The following COG7 variants were observed in gnomAD, a reference collection of about 807,000 sequenced individuals.
COG7 encodes component of oligomeric golgi complex 7.
COG7 carries 49 observed loss-of-function variants against 91.5 expected under a neutral mutation model. That is an observed-to-expected ratio of 0.54 (90% CI 0.43 to 0.68). The LOEUF is 0.68. Ranked by LOEUF, COG7 falls within the 30% of genes least tolerant of loss-of-function variation. The pLI, the probability that COG7 is intolerant of heterozygous loss-of-function variation, is 0.00. For missense variants in COG7, 895 were observed against 961.3 expected, an observed-to-expected ratio of 0.93 and a Z score of 0.91; for synonymous variants, 365 against 388.7, an observed-to-expected ratio of 0.94 and a Z score of 0.72.
rs1195335364 is a variant in COG7 at position 23,453,034 on chromosome 16, T to C, written c.-40A>G. Reference sequence around the variant, plus strand: ...AGGCCTGGCGTCCAGAACTTAAGAGTTGGCTCCGGGCGGCAACGGGGATGC... The same window carrying C: ...AGGCCTGGCGTCCAGAACTTAAGAGCTGGCTCCGGGCGGCAACGGGGATGC... On this transcript the variant is annotated 5_prime_UTR_variant, in exon 1 of 17. Coordinates refer to ENST00000307149, the MANE Select transcript of COG7 (RefSeq NM_153603.4). 3.1e-6 allele frequency: 5 copies of C among 1,612,190 alleles called. No individual in the cohort carries two copies. The highest frequency in any genetic ancestry group is 1.3e-5 in the African/African-American group (1 of 74,854).
intron 1 of COG7, chr16:23,446,937 A>T (rs1964191940): frequency 7.4e-6 from 1 of 135,722 alleles, no homozygotes; most frequent in Non-Finnish European, 1.5e-5. Context: ...TATTTTGCAG[A>T]GACAGTTTCA....
At chr16:23,399,690 GATGT>G (rs749795062) in intron 13 of COG7, among the ~76,000 whole-genome samples, 4 of 152,064 alleles carry the variant, frequency 2.6e-5, no homozygotes, top group Non-Finnish European at 5.9e-5. Context: ...CTGGCCATAG[GATGT>G]ATGCGGTACA....
chr16:23,420,109 G>C (rs1192412126), intron 7 of COG7, among the ~76,000 whole-genome samples: 4 of 152,170 alleles, frequency 2.6e-5, no homozygotes, highest in Non-Finnish European at 4.4e-5. Context: ...CTGGGTGACA[G>C]AGCGAGAGTC....
intron 14 of COG7, chr16:23,393,674 T>C: frequency 2.9e-6 from 1 of 342,006 alleles, no homozygotes; most frequent in Non-Finnish European, 5.6e-6. Context: ...AATATAAGTA[T>C]TATTACTGTT....
intron 14 of COG7, chr16:23,394,775 T>C (rs1429491707): frequency 2.0e-5 from 3 of 152,180 alleles, no homozygotes; most frequent in Non-Finnish European, 4.4e-5. Context: ...AGTGTAAACA[T>C]CCATTATTAG....
chr16:23,401,070 G>A (rs1338811169), intron 13 of COG7, among the ~76,000 whole-genome samples: 4 of 152,082 alleles, frequency 2.6e-5, no homozygotes, highest in African/African-American at 9.7e-5. Context: ...TATTTAAAGT[G>A]TCCTTCAAAT....
At chr16:23,392,006 C>T (rs749799699) in intron 16 of COG7, 18 of 1,189,312 alleles carry the variant, frequency 1.5e-5, no homozygotes, top group Non-Finnish European at 1.9e-5. Flanking sequence ...GGTGCGAGTG[C>T]TTGGTCCAGC....
intron 4 of COG7, among the ~76,000 whole-genome samples, chr16:23,439,048 C>T (rs1022437688): frequency 6.6e-6 from 1 of 151,134 alleles, no homozygotes; most frequent in Non-Finnish European, 1.5e-5. Flanking sequence ...ATCCCAGCTA[C>T]TCGGGAGGCT....
At chr16:23,448,960 T>C (rs1391649795) in intron 1 of COG7, among the ~76,000 whole-genome samples, 1 of 152,228 alleles carries the variant, frequency 6.6e-6, no homozygotes, top group African/African-American at 2.4e-5. Flanking sequence ...AATTCTTCAC[T>C]GTGCAGGACT....
At chr16:23,436,016 T>TCCCA (rs1964008248) in intron 4 of COG7, among the ~76,000 whole-genome samples, 1 of 152,072 alleles carries the variant, frequency 6.6e-6, no homozygotes, top group South Asian at 2.1e-4. Context: ...GTGGGAGGAC[T>TCCCA]GTTTGAGCCC....
At chr16:23,445,684 G>T in intron 2 of COG7, 129 bp downstream of exon 2, 1 of 932,022 alleles carries the variant, frequency 1.1e-6, no homozygotes, top group Non-Finnish European at 1.8e-6. Flanking sequence ...TAGCTGGAGT[G>T]CTGGGCAGAA....
chr16:23,436,726 C>T (rs1256185716), intron 4 of COG7, among the ~76,000 whole-genome samples: 2 of 151,486 alleles, frequency 1.3e-5, no homozygotes, highest in African/African-American at 4.8e-5. Flanking sequence ...GACTCTGTCT[C>T]AAAAAAAATA....
At chr16:23,431,989 T>A (rs1003549247) in intron 6 of COG7, among the ~76,000 whole-genome samples, 15 of 151,424 alleles carry the variant, frequency 9.9e-5, no homozygotes, top group Admixed American at 4.0e-4. Context: ...CAAAAAAAAT[T>A]TTTTTTAATT....
At chr16:23,399,859 C>A (rs893480591) in intron 13 of COG7, among the ~76,000 whole-genome samples, 4 of 152,184 alleles carry the variant, frequency 2.6e-5, no homozygotes, top group Non-Finnish European at 4.4e-5. Context: ...TAAATCTCTA[C>A]GTGCAGGATC....
Position 23,445,039 on chromosome 16 carries a change from GA to G in COG7, c.435+8del. On this transcript the variant is annotated splice_region_variant and intron_variant, in intron 3 of 16. Transcript: ENST00000307149. ...ACCTTTCATAACATCCCCTAAACAA[GA>G]AACCTACCTGAGTCTTAAATGTCTC... The G allele has an allele frequency of 6.2e-7, 1 of 1,601,516 alleles. No homozygotes were observed. The highest frequency in any genetic ancestry group is 8.6e-7 in the Non-Finnish European group (1 of 1,168,664).
chr16:23,392,248 CAG>C, intron 16 of COG7, 130 bp downstream of exon 16: 1 of 1,528,744 alleles, frequency 6.5e-7, no homozygotes, highest in Non-Finnish European at 8.8e-7. Flanking sequence ...AATTTTCAAC[CAG>C]CTTCAGAGCC....
chr16:23,437,918 C>T (rs1297369437), intron 4 of COG7, among the ~76,000 whole-genome samples: 3 of 152,042 alleles, frequency 2.0e-5, no homozygotes, highest in Admixed American at 1.3e-4. Context: ...AACTCCATCT[C>T]TACTAAAAAT....
chr16:23,390,847 G>A (rs1454908170), intron 16 of COG7, among the ~76,000 whole-genome samples: 4 of 152,256 alleles, frequency 2.6e-5, no homozygotes, highest in African/African-American at 9.6e-5. Flanking sequence ...GTGCCGCCAG[G>A]CACGTACTTA....
At chr16:23,449,766 A>C (rs1347213018) in intron 1 of COG7, among the ~76,000 whole-genome samples, 1 of 151,624 alleles carries the variant, frequency 6.6e-6, no homozygotes, top group East Asian at 1.9e-4. Flanking sequence ...AAAAAAAAAA[A>C]ACCTCCCACC....
Sources: allele counts gnomAD v4.1 joint callset (sites outside exome capture counted in the v4.1 genomes callset), GRCh38; gene constraint gnomAD v4.1.1; transcripts MANE v1.5; gene names NCBI Gene and HGNC (gene_info 2026-07-23, HGNC 2026-07-21).